Variants in NPAS3 observed in about 807,000 individuals in gnomAD.
NPAS3 encodes the protein neuronal PAS domain protein 3, also known as neuronal PAS domain-containing protein 3.
NPAS3 carries 14 observed loss-of-function variants against 73.1 expected under a neutral mutation model. That is an observed-to-expected ratio of 0.19 (90% confidence interval 0.13 to 0.30). NPAS3 has a LOEUF of 0.30. Among genes scored for constraint, NPAS3 ranks in the 10% least tolerant of loss-of-function variants. NPAS3 has a pLI of 1.00. For synonymous variants in NPAS3, 620 were observed against 541.5 expected (o/e 1.14, Z -2.01); for missense variants, 1,096 against 1,250.0 (o/e 0.88, Z 1.86).
At chr14:33,263,840 C>G (rs1043141714) in intron 3 of NPAS3, among the ~76,000 whole-genome samples, 6 of 152,078 alleles carry the variant, frequency 3.9e-5, no homozygotes, top group Non-Finnish European at 8.8e-5. Context: ...CCTTCACATC[C>G]CTTGTAAGTT....
intron 4 of NPAS3, among the ~76,000 whole-genome samples, chr14:33,378,591 G>A (rs368067975): frequency 2.6e-4 from 40 of 152,180 alleles, no homozygotes; most frequent in South Asian, 4.1e-4. Context: ...AGCCAGGAGC[G>A]TGCCAGTGCA....
At chr14:33,392,533 T>C (rs993018229) in intron 4 of NPAS3, among the ~76,000 whole-genome samples, 2 of 152,194 alleles carry the variant, frequency 1.3e-5, no homozygotes, top group African/African-American at 4.8e-5. Context: ...AGAAAAGTAC[T>C]GACGCTCGGA....
At chr14:33,377,757 G>A (rs1195703355) in intron 4 of NPAS3, among the ~76,000 whole-genome samples, 1 of 152,168 alleles carries the variant, frequency 6.6e-6, no homozygotes, top group African/African-American at 2.4e-5. Context: ...CCACTTGACT[G>A]AAACTAGTGC....
chr14:33,793,816 G>GT lies in NPAS3; in HGVS notation c.1154-77dup. 2.9e-6 allele frequency: 4 copies of GT among 1,390,404 alleles called. No homozygotes were observed. The South Asian group carries it at 4.2e-5, about 15-fold the overall frequency. The allele number at this position is 1,390,404 out of a possible 1,614,324, so 86.1% of individuals were successfully genotyped here. A position where few individuals can be genotyped will look rare whatever the true frequency, so the allele number is the denominator to read the frequency against. On this transcript the variant is annotated intron_variant, in intron 9 of 11. Coordinates refer to ENST00000356141, the Ensembl canonical transcript of NPAS3. ...AGGTCCTCCCATTTTTAGGCTTAAG[G>GT]TTTTGCAGAGATAAAAAAAAAAAAA...
chr14:33,026,875 C>T (rs996669644), intron 1 of NPAS3, among the ~76,000 whole-genome samples: 1 of 152,188 alleles, frequency 6.6e-6, no homozygotes, highest in Non-Finnish European at 1.5e-5. Flanking sequence ...TCCTTCCCCC[C>T]TACACCCCTT....
intron 3 of NPAS3, among the ~76,000 whole-genome samples, chr14:33,242,904 T>A (rs1391978786): frequency 6.6e-6 from 1 of 152,110 alleles, no homozygotes; most frequent in Non-Finnish European, 1.5e-5. Flanking sequence ...TTTCTTTGAG[T>A]AAAAAATGTT....
intron 4 of NPAS3, among the ~76,000 whole-genome samples, chr14:33,446,415 T>A (rs927477744): frequency 6.6e-6 from 1 of 151,950 alleles, no homozygotes; most frequent in Non-Finnish European, 1.5e-5. Flanking sequence ...GACCTCATGA[T>A]CCACCCGCCT....
intron 7 of NPAS3, among the ~76,000 whole-genome samples, chr14:33,754,006 G>GT (rs1398796998): frequency 1.3e-5 from 2 of 152,156 alleles, no homozygotes; most frequent in Non-Finnish European, 2.9e-5. Flanking sequence ...AGGAAAATCA[G>GT]TTTCCCTAGA....
At chr14:33,613,933 A>G (rs1021438262) in intron 5 of NPAS3, among the ~76,000 whole-genome samples, 3 of 151,872 alleles carry the variant, frequency 2.0e-5, no homozygotes, top group South Asian at 2.1e-4. Context: ...TACTATCTCA[A>G]CCTGTCAGAT....
At chr14:33,305,671 C>T (rs1033860106) in intron 3 of NPAS3, among the ~76,000 whole-genome samples, 1 of 151,946 alleles carries the variant, frequency 6.6e-6, no homozygotes, top group African/African-American at 2.4e-5. Flanking sequence ...TTTTTGTAGC[C>T]TTCTAAAAAG....
intron 4 of NPAS3, among the ~76,000 whole-genome samples, chr14:33,375,851 C>G (rs749232353): frequency 6.6e-6 from 1 of 152,146 alleles, no homozygotes. Flanking sequence ...TGTGACATGT[C>G]CATTATGTAA....
At chr14:33,767,599 C>CTTTTTTT (rs10711937) in intron 7 of NPAS3, among the ~76,000 whole-genome samples, 1 of 138,654 alleles carries the variant, frequency 7.2e-6, no homozygotes. Context: ...GGACTCTTGT[C>CTTTTTTT]TTTTTTTTTT....
intron 1 of NPAS3, among the ~76,000 whole-genome samples, chr14:32,994,665 T>C (rs1358311744): frequency 1.4e-5 from 2 of 144,712 alleles, no homozygotes; most frequent in Non-Finnish European, 3.0e-5. Context: ...AGAGTCTCAC[T>C]CCATTGCTTA....
intron 6 of NPAS3, among the ~76,000 whole-genome samples, chr14:33,724,990 C>T (rs1269116287): frequency 6.6e-6 from 1 of 152,028 alleles, no homozygotes; most frequent in African/African-American, 2.4e-5. Flanking sequence ...ATTGCACAGC[C>T]ACTAAAAAAT....
At chr14:33,668,255 C>T (rs911629130) in intron 5 of NPAS3, among the ~76,000 whole-genome samples, 2 of 152,172 alleles carry the variant, frequency 1.3e-5, no homozygotes, top group African/African-American at 4.8e-5. Context: ...TGGTGAGAAC[C>T]ACTGTTGCTG....
At chr14:33,155,479 T>A (rs1403293320) in intron 2 of NPAS3, among the ~76,000 whole-genome samples, 1 of 152,184 alleles carries the variant, frequency 6.6e-6, no homozygotes, top group African/African-American at 2.4e-5. Context: ...CAGCTTCGAA[T>A]TCCTGGGCTC....
intron 4 of NPAS3, among the ~76,000 whole-genome samples, chr14:33,458,484 A>G (rs943688674): frequency 5.3e-5 from 8 of 152,352 alleles, no homozygotes; most frequent in African/African-American, 1.7e-4. Flanking sequence ...AAGTTCTGTG[A>G]GCAAAGTTTT....
chr14:33,009,678 T>G (rs969726356), intron 1 of NPAS3, among the ~76,000 whole-genome samples: 4 of 152,228 alleles, frequency 2.6e-5, no homozygotes, highest in African/African-American at 9.6e-5. Context: ...TTATCTTTTC[T>G]GTCTCACTAA....
intron 8 of NPAS3, among the ~76,000 whole-genome samples, chr14:33,777,318 A>C (rs1265488160): frequency 1.3e-5 from 2 of 152,218 alleles, no homozygotes; most frequent in Admixed American, 1.3e-4. Context: ...TTATTTCCCC[A>C]GTTAATCTTA....
Sources: allele counts gnomAD v4.1 joint callset (sites outside exome capture counted in the v4.1 genomes callset), GRCh38; gene constraint gnomAD v4.1.1; transcripts MANE v1.5; gene names NCBI Gene and HGNC (gene_info 2026-07-23, HGNC 2026-07-21).